Variants in CACNA1C observed in about 807,000 individuals in gnomAD.
The protein encoded by CACNA1C is voltage-dependent L-type calcium channel subunit alpha-1C.
CACNA1C carries 30 observed loss-of-function variants against 229.0 expected under a neutral mutation model. The ratio of observed to expected loss-of-function variants is 0.13; its 90% CI spans 0.10 to 0.18. The LOEUF (loss-of-function observed/expected upper bound fraction) is 0.18, where lower values mean the gene tolerates loss of function less well. CACNA1C is among the 10% of genes least tolerant of loss of function. The probability of loss-of-function intolerance (pLI) is 1.00; values close to 1 mark genes in which losing one functional copy is unlikely to be tolerated. For missense variants in CACNA1C, 1,658 were observed against 2,845.0 expected, an observed-to-expected ratio of 0.58 and a Z score of 9.49; for synonymous variants, 1,114 against 1,132.5, an observed-to-expected ratio of 0.98 and a Z score of 0.33.
At position 2,346,612 on chromosome 12, in the gene CACNA1C, G is replaced by A. The variant is rs561503671; in HGVS notation, c.478-102364G>A. 7.2e-5 allele frequency among the ~76,000 whole-genome samples: 11 copies of A among 152,270 alleles called. No homozygotes were observed. The highest frequency in any genetic ancestry group is 2.4e-4 in the African/African-American group (10 of 41,542). ...GCCGGCCCCAGTGTGTGTCCTGGGG[G>A]CGTAGTCACTGCCCTTCCAAGCCTG... is the stretch of plus-strand genomic sequence containing the variant. On this transcript the variant is annotated intron_variant, in intron 3 of 46. Coordinates refer to ENST00000399655, the MANE Select transcript of CACNA1C (RefSeq NM_000719.7). This position sits in a 1 kb window ranked among gnomAD's most constrained non-coding sequence, Gnocchi z 4.4.
intron 3 of CACNA1C, among the ~76,000 whole-genome samples, chr12:2,404,395 CTCT>C (rs2098712925): frequency 6.6e-6 from 1 of 152,154 alleles, no homozygotes; most frequent in Non-Finnish European, 1.5e-5. Flanking sequence ...AAAGGCCACC[CTCT>C]TCTTAGGAGC....
At chr12:2,690,805 A>G in intron 46 of CACNA1C, 95 bp from the exon 47 acceptor site, 1 of 1,268,076 alleles carries the variant, frequency 7.9e-7, no homozygotes, top group Non-Finnish European at 1.1e-6. Context: ...CAAGTGACCT[A>G]CCAGATACCC....
At chr12:2,109,934 CTG>C (rs1460758384) in intron 1 of CACNA1C, among the ~76,000 whole-genome samples, 1 of 152,230 alleles carries the variant, frequency 6.6e-6, no homozygotes, top group Non-Finnish European at 1.5e-5. Flanking sequence ...TACAGTGTCA[CTG>C]TAGTCCACCT....
intron 3 of CACNA1C, among the ~76,000 whole-genome samples, chr12:2,162,482 A>C (rs1278576343): frequency 6.6e-6 from 1 of 152,086 alleles, no homozygotes; most frequent in Non-Finnish European, 1.5e-5. Context: ...TATCAGCCAC[A>C]AAACAAAAAA....
At chr12:2,357,955 A>G (rs1944459193) in intron 3 of CACNA1C, among the ~76,000 whole-genome samples, 1 of 138,002 alleles carries the variant, frequency 7.2e-6, no homozygotes, top group African/African-American at 2.8e-5. Flanking sequence ...GGGCAACAAG[A>G]GTGAAACTCA....
intron 1 of CACNA1C, among the ~76,000 whole-genome samples, chr12:2,041,031 A>T (rs1221406786): frequency 6.6e-6 from 1 of 152,224 alleles, no homozygotes; most frequent in Non-Finnish European, 1.5e-5. Context: ...AGATCTGTCC[A>T]ATAAATCCTG....
chr12:2,087,915 C>T (rs1316861826), intron 1 of CACNA1C, among the ~76,000 whole-genome samples: 2 of 152,190 alleles, frequency 1.3e-5, no homozygotes, highest in African/African-American at 4.8e-5. Flanking sequence ...GTAAATGGAA[C>T]GGGTATTGTC....
chr12:2,645,768 C>A (rs2094291340), intron 30 of CACNA1C, among the ~76,000 whole-genome samples: 1 of 152,196 alleles, frequency 6.6e-6, no homozygotes, highest in African/African-American at 2.4e-5. Flanking sequence ...GACCACGGAC[C>A]TTGTAAACAG....
chr12:2,357,788 T>C (rs1197413911), intron 3 of CACNA1C, among the ~76,000 whole-genome samples: 1 of 151,082 alleles, frequency 6.6e-6, no homozygotes, highest in Non-Finnish European at 1.5e-5. Context: ...CTGGCCAACA[T>C]GCGGAAACCC....
rs533892755 is a variant in CACNA1C at position 2,493,223 on chromosome 12, C to A, written c.950C>A (p.Ala317Glu). 1 of 1,613,982 alleles carries A rather than the reference C, an allele frequency of 6.2e-7. No homozygotes were observed. Among genetic ancestry groups the A allele is most frequent in the Admixed American group, 1.7e-5 (1 of 60,030 alleles). The change falls in exon 7 of 47, where the codon GCG (alanine) becomes GAG (glutamate). Residue 317 changes from alanine to glutamate, a missense_variant. Ala to Glu is a moderately radical substitution (Grantham distance 107, BLOSUM62 -1). Transcript: ENST00000399655. The surrounding 1 kb of genome is among the most constrained non-coding windows in gnomAD (Gnocchi z 4.6). ...GCAGAAGATGACCCTTCCCCTTGTG[C>A]GCTGGAAACGGGCCACGGGCGGCAG... is the stretch of plus-strand genomic sequence containing the variant. ...VPAEDDPSPC[A>E]LETGHGRQCQ...
chr12:2,010,102 T>C (rs1332851189), intron 1 of CACNA1C, among the ~76,000 whole-genome samples: 1 of 152,240 alleles, frequency 6.6e-6, no homozygotes, highest in African/African-American at 2.4e-5. Flanking sequence ...AGCGATACTT[T>C]TAATCCAATT....
At chr12:2,414,180 C>T (rs539335072) in intron 3 of CACNA1C, among the ~76,000 whole-genome samples, 12 of 152,314 alleles carry the variant, frequency 7.9e-5, no homozygotes, top group East Asian at 3.9e-4. Flanking sequence ...ACTAGTCACC[C>T]GTGTTCCAAG....
At chr12:2,373,594 A>G (rs1406304268) in intron 3 of CACNA1C, among the ~76,000 whole-genome samples, 2 of 152,148 alleles carry the variant, frequency 1.3e-5, no homozygotes, top group Admixed American at 6.6e-5. Context: ...GCGTGGATTC[A>G]GGGGCCGCAG....
At chr12:2,044,114 C>A (rs536588948) in intron 1 of CACNA1C, among the ~76,000 whole-genome samples, 1 of 151,980 alleles carries the variant, frequency 6.6e-6, no homozygotes, top group Non-Finnish European at 1.5e-5. Flanking sequence ...TAAGCAGGAC[C>A]GAACATGACA....
chr12:2,042,846 C>A (rs1056295386), intron 1 of CACNA1C, among the ~76,000 whole-genome samples: 4 of 152,204 alleles, frequency 2.6e-5, no homozygotes, highest in Non-Finnish European at 5.9e-5. Context: ...CTACACTACT[C>A]CAATCACTTT....
At chr12:2,511,979 G>A (rs2099785123) in intron 8 of CACNA1C, among the ~76,000 whole-genome samples, 1 of 152,080 alleles carries the variant, frequency 6.6e-6, no homozygotes, top group Non-Finnish European at 1.5e-5. Context: ...TAAACCAAAA[G>A]GGCAGCCCCC....
At chr12:2,540,148 A>G (rs1192361211) in intron 9 of CACNA1C, among the ~76,000 whole-genome samples, 1 of 152,132 alleles carries the variant, frequency 6.6e-6, no homozygotes, top group Non-Finnish European at 1.5e-5. Context: ...AGTGCTGCCC[A>G]TGGGCCGGCC....
At chr12:2,682,735 G>A in intron 43 of CACNA1C, 57 bp downstream of exon 43, 1 of 1,560,708 alleles carries the variant, frequency 6.4e-7, no homozygotes, top group African/African-American at 1.4e-5. Flanking sequence ...AATGTGGGGA[G>A]GCAGAGGCAG....
intron 3 of CACNA1C, among the ~76,000 whole-genome samples, chr12:2,434,253 A>T (rs2099113705): frequency 6.6e-6 from 1 of 152,148 alleles, no homozygotes; most frequent in Non-Finnish European, 1.5e-5. Flanking sequence ...CTCCACGGGG[A>T]GGCCATCACA....
Sources: gnomAD v4.1 joint callset for allele counts (sites outside exome capture counted in the v4.1 genomes callset) on GRCh38, gnomAD v4.1.1 for gene constraint, Gnocchi (gnomAD v3.1) non-coding constraint, MANE v1.5 for transcripts, NCBI Gene and HGNC (gene_info 2026-07-23, HGNC 2026-07-21) for gene names.